The following CCDC57 variants were observed in gnomAD, a reference collection of about 807,000 sequenced individuals.
CCDC57 encodes coiled-coil domain containing 57, also known as coiled-coil domain-containing protein 57.
A neutral mutation model predicts 118.9 loss-of-function variants in CCDC57; 118 were observed. The observed-to-expected ratio is 0.99, with a 90% CI of 0.86 to 1.16. The LOEUF (loss-of-function observed/expected upper bound fraction) is 1.16, where lower values mean the gene tolerates loss of function less well. CCDC57 is among the 50% of genes most tolerant of loss of function. The pLI is 0.00. For missense variants in CCDC57, 1,300 were observed against 1,320.7 expected, an observed-to-expected ratio of 0.98 and a Z score of 0.24; for synonymous variants, 527 against 532.9, an observed-to-expected ratio of 0.99 and a Z score of 0.15.
At chr17:82,127,572 G>T in intron 19 of CCDC57, 120 bp downstream of exon 18, 1 of 1,456,338 alleles carries the variant, frequency 6.9e-7, no homozygotes, top group Non-Finnish European at 9.0e-7. Flanking sequence ...CTCAACCAAA[G>T]TGCAGGGATT....
chr17:82,193,929 T>C (rs4789670), intron 6 of CCDC57, 53 bp downstream of exon 5: 711,343 of 1,580,184 alleles, frequency 0.45, 167,998 homozygotes, highest in East Asian at 0.88. Flanking sequence ...ACTCCAGTCC[T>C]GGCCTGCGAG....
chr17:82,198,482 T>C (rs924414732), intron 3 of CCDC57, 60 bp from the exon 3 acceptor site: 34 of 1,180,812 alleles, frequency 2.9e-5, no homozygotes, highest in Admixed American at 8.1e-5. Context: ...AGGTAATACA[T>C]TTTCAAGGTG....
intron 19 of CCDC57, among the ~76,000 whole-genome samples, chr17:82,115,352 T>C (rs973331302): frequency 3.2e-4 from 48 of 151,898 alleles, no homozygotes; most frequent in Non-Finnish European, 3.5e-4. Context: ...GATCTTTAGA[T>C]GAGAAAAGCC....
intron 19 of CCDC57, chr17:82,107,711 T>C (rs2034960989): frequency 4.8e-6 from 2 of 420,270 alleles, no homozygotes; most frequent in East Asian, 7.1e-5. Context: ...TGGCAACACC[T>C]GCCACGTGGA....
chr17:82,147,055 G>C (rs552074068), intron 16 of CCDC57, among the ~76,000 whole-genome samples: 1 of 152,322 alleles, frequency 6.6e-6, no homozygotes, highest in South Asian at 2.1e-4. Context: ...GAAAGTATCT[G>C]GCACTCAGCA....
intron 19 of CCDC57, among the ~76,000 whole-genome samples, chr17:82,119,803 CCTAT>C (rs1471551546): frequency 6.6e-6 from 1 of 151,984 alleles, no homozygotes; most frequent in Non-Finnish European, 1.5e-5. Flanking sequence ...GTGTGGGAGA[CCTAT>C]CTATCTGAGG....
At chr17:82,131,670 T>C (rs1009992784) in intron 17 of CCDC57, among the ~76,000 whole-genome samples, 1 of 152,070 alleles carries the variant, frequency 6.6e-6, no homozygotes, top group South Asian at 2.1e-4. Flanking sequence ...AAAGATCACT[T>C]GAGCCTGGGA....
intron 5 of CCDC57, among the ~76,000 whole-genome samples, chr17:82,194,931 G>A (rs557649763): frequency 6.6e-6 from 1 of 152,372 alleles, no homozygotes; most frequent in South Asian, 2.1e-4. Flanking sequence ...CGCCCGGCAT[G>A]GGCAGGCGTC....
intron 16 of CCDC57, among the ~76,000 whole-genome samples, chr17:82,148,078 A>G (rs1192568613): frequency 1.0e-3 from 10 of 9,986 alleles, no homozygotes; most frequent in Non-Finnish European, 1.8e-3. Context: ...GGGTGGGTAG[A>G]TGGGTGGATG....
In CCDC57 at chr17:82,190,462, G is replaced by A. The variant is rs530531827; in HGVS notation, c.852-2043C>T. On this transcript the variant is annotated intron_variant, in intron 7 of 19. Coordinates refer to ENST00000665763, the Ensembl canonical transcript of CCDC57. ...TGTAATCGCAGCACTTTGGGAGGCC[G>A]AGGTGCGCGGACCACTTGAGGACAA... is the stretch of plus-strand genomic sequence containing the variant. 7.2e-5 allele frequency among the ~76,000 whole-genome samples: 11 copies of A among 152,220 alleles called. No homozygotes were observed. The South Asian group carries it at 2.1e-3, about 29-fold the overall frequency.
At chr17:82,199,717 C>T (rs1448172706) in intron 3 of CCDC57, among the ~76,000 whole-genome samples, 2 of 152,174 alleles carry the variant, frequency 1.3e-5, no homozygotes, top group Non-Finnish European at 2.9e-5. Context: ...ACTCGGCGCC[C>T]AGACGAGGTG....
At chr17:82,201,409 T>A in intron 3 of CCDC57, 129 bp downstream of exon 2, 1 of 1,191,200 alleles carries the variant, frequency 8.4e-7, no homozygotes, top group South Asian at 1.6e-5. Context: ...CCAGCTCCCG[T>A]GGCCTGGAAT....
chr17:82,189,911 G>A (rs1236977721), intron 7 of CCDC57, among the ~76,000 whole-genome samples: 2 of 152,302 alleles, frequency 1.3e-5, no homozygotes, highest in South Asian at 2.1e-4. Context: ...TGGGGAGGCC[G>A]AGGCAGGAGA....
intron 16 of CCDC57, 103 bp downstream of exon 15, chr17:82,151,457 C>T (rs2042058419): frequency 9.4e-7 from 1 of 1,065,260 alleles, no homozygotes; most frequent in Non-Finnish European, 1.3e-6. Flanking sequence ...TGGTGCACCC[C>T]CAGAATCTGA....
chr17:82,192,902 G>C lies in CCDC57; in HGVS notation c.851+854C>G, dbSNP rs1345494007. On this transcript the variant is annotated intron_variant, in intron 7 of 19. Transcript: ENST00000665763. This position sits in a 1 kb window ranked among gnomAD's most constrained non-coding sequence, Gnocchi z 4.0. The stretch of plus-strand genomic sequence containing the variant: ...CTGTCCATCGCCGTTGTATTACACA[G>C]TGTCTTTTTGTATTTTTAGTAGAGA... Among the ~76,000 whole-genome samples, 1 of 152,172 alleles carries C rather than the reference G, an allele frequency of 6.6e-6. No homozygotes were observed. The highest frequency in any genetic ancestry group is 1.5e-5 in the Non-Finnish European group (1 of 68,028).
Position 82,172,537 on chromosome 17 carries a change from G to A in CCDC57, c.1729+101C>T. ...ATGTTAACTTATAGGACTCTGAAAT[G>A]AAGCCTCCTTGAAGCCAGTCAAGAC... On this transcript the variant is annotated intron_variant, in intron 12 of 19. Transcript: ENST00000665763. This position sits in a 1 kb window ranked among gnomAD's most constrained non-coding sequence, Gnocchi z 5.2. 2 of 975,710 alleles carry A rather than the reference G, an allele frequency of 2.0e-6. No homozygotes were observed. Among genetic ancestry groups the A allele is most frequent in the Non-Finnish European group, 3.2e-6 (2 of 633,464 alleles). 60.4% of individuals were successfully genotyped at this position (975,710 alleles called of 1,614,324 possible). A position where few individuals can be genotyped will look rare whatever the true frequency, so the allele number is the denominator to read the frequency against.
intron 9 of CCDC57, among the ~76,000 whole-genome samples, chr17:82,180,721 C>T (rs758178674): frequency 1.5e-4 from 23 of 152,196 alleles, no homozygotes; most frequent in Non-Finnish European, 2.9e-4. Flanking sequence ...GTGATCCGCC[C>T]GCCTCGGCCT....
Position 82,192,253 on chromosome 17 carries a change from G to A in CCDC57, c.851+1503C>T, listed in dbSNP as rs537886792. ...CCCTGACTCAGCCTCCCAAAGTGCT[G>A]TGTGATTATTTTAATGACATTTTCT... On this transcript the variant is annotated intron_variant, in intron 7 of 19. Coordinates refer to ENST00000665763, the Ensembl canonical transcript of CCDC57. This position sits in a 1 kb window ranked among gnomAD's most constrained non-coding sequence, Gnocchi z 4.0. Among the ~76,000 whole-genome samples the A allele has an allele frequency of 2.0e-5, 3 of 152,112 alleles. No homozygotes were observed. The South Asian group carries it at 6.2e-4, about 31-fold the overall frequency.
At position 82,172,732 on chromosome 17, in the gene CCDC57, T is replaced by G. The variant is rs545481105; in HGVS notation, c.1635A>C (p.Leu545=). 5.6e-6 allele frequency: 9 copies of G among 1,600,678 alleles called. No individual in the cohort carries two copies. In the South Asian group the frequency reaches 9.0e-5, roughly 16 times the overall value. ...GGATGGGAGGAGGAATCTGATGGCT[T>G]AGAGCCTCCATTTCTTTCCTCATCT... The change falls in exon 12 of 20, where the codon CTA becomes CTC. Residue 545 remains leucine, a synonymous_variant. Transcript: ENST00000665763. This position sits in a 1 kb window ranked among gnomAD's most constrained non-coding sequence, Gnocchi z 5.2.
Sources: allele counts gnomAD v4.1 joint callset (sites outside exome capture counted in the v4.1 genomes callset), GRCh38; gene constraint gnomAD v4.1.1; non-coding constraint Gnocchi (gnomAD v3.1); transcripts MANE v1.5; gene names NCBI Gene and HGNC (gene_info 2026-07-23, HGNC 2026-07-21).